ARB2A: variants seen among roughly 807,000 people sequenced by gnomAD.
The protein encoded by ARB2A is cotranscriptional regulator ARB2A.
the ARB2A span, among the ~76,000 whole-genome samples, chr5:93,998,758 A>C: frequency 2.0e-5 from 3 of 152,020 alleles, no homozygotes; most frequent in African/African-American, 7.2e-5. Context: ...TCTGATATAC[A>C]ATATGCTTGT....
chr5:93,758,216 C>T, the ARB2A span, among the ~76,000 whole-genome samples: 11 of 152,208 alleles, frequency 7.2e-5, no homozygotes, highest in Admixed American at 2.6e-4. Flanking sequence ...AACATACATG[C>T]ATCTAACACT....
chr5:93,908,671 A>T, the ARB2A span, among the ~76,000 whole-genome samples: 2 of 151,006 alleles, frequency 1.3e-5, no homozygotes, highest in Non-Finnish European at 3.0e-5. Context: ...ATGTAATGAT[A>T]AAGTTTTTTT....
chr5:94,062,814 C>T, the ARB2A span, among the ~76,000 whole-genome samples: 2 of 152,216 alleles, frequency 1.3e-5, no homozygotes, highest in South Asian at 2.1e-4. Context: ...CTGCCTACAG[C>T]GACTGCTGCA....
chr5:94,051,970 C>T, the ARB2A span, among the ~76,000 whole-genome samples: 681 of 152,208 alleles, frequency 4.5e-3, 5 homozygotes, highest in African/African-American at 0.015. Context: ...CAGGCGCATG[C>T]CACCACGCCT....
the ARB2A span, among the ~76,000 whole-genome samples, chr5:93,770,214 C>T: frequency 6.6e-6 from 1 of 152,136 alleles, no homozygotes; most frequent in Non-Finnish European, 1.5e-5. Flanking sequence ...ACCTGCTGTG[C>T]AACCACCTGA....
chr5:94,006,750 T>C, the ARB2A span, among the ~76,000 whole-genome samples: 1 of 152,196 alleles, frequency 6.6e-6, no homozygotes, highest in Non-Finnish European at 1.5e-5. Context: ...TAGAGGAGTA[T>C]ACATTTTTAA....
the ARB2A span, among the ~76,000 whole-genome samples, chr5:93,639,149 T>C: frequency 2.0e-5 from 3 of 152,196 alleles, no homozygotes; most frequent in Admixed American, 2.0e-4. Context: ...ATTTTCTTTT[T>C]TGATTGATTT....
the ARB2A span, among the ~76,000 whole-genome samples, chr5:93,955,548 C>A: frequency 6.6e-6 from 1 of 152,138 alleles, no homozygotes; most frequent in Non-Finnish European, 1.5e-5. Flanking sequence ...GTGAAGTAAT[C>A]AGAAATTATT....
At chr5:94,017,364 G>A in the ARB2A span, among the ~76,000 whole-genome samples, 1 of 152,158 alleles carries the variant, frequency 6.6e-6, no homozygotes, top group African/African-American at 2.4e-5. Flanking sequence ...AATGTGCTGT[G>A]TTTCCAAACA....
chr5:93,763,363 A>C, the ARB2A span, among the ~76,000 whole-genome samples: 122 of 152,314 alleles, frequency 8.0e-4, no homozygotes, highest in African/African-American at 2.4e-3. Context: ...TCTACCAAGC[A>C]AATGGAAAAC....
the ARB2A span, among the ~76,000 whole-genome samples, chr5:93,699,307 G>A: frequency 3.9e-5 from 6 of 152,170 alleles, no homozygotes; most frequent in African/African-American, 4.8e-5. Context: ...TTCTAGCTGC[G>A]TATAGGTAAG....
chr5:93,753,860 C>T, the ARB2A span, among the ~76,000 whole-genome samples: 4 of 152,100 alleles, frequency 2.6e-5, no homozygotes, highest in African/African-American at 9.7e-5. Flanking sequence ...AATCTAGGTT[C>T]AGGTCTTTCC....
chr5:93,793,823 A>G, the ARB2A span, among the ~76,000 whole-genome samples: 1 of 152,186 alleles, frequency 6.6e-6, no homozygotes, highest in Non-Finnish European at 1.5e-5. Flanking sequence ...AATTAAGGTG[A>G]CATGCAGGTC....
chr5:93,778,523 C>T, the ARB2A span, among the ~76,000 whole-genome samples: 2 of 152,164 alleles, frequency 1.3e-5, no homozygotes. Flanking sequence ...AGGGAGATAG[C>T]TTCAATGAAG....
the ARB2A span, among the ~76,000 whole-genome samples, chr5:93,840,854 A>C: frequency 6.6e-6 from 1 of 152,196 alleles, no homozygotes; most frequent in African/African-American, 2.4e-5. Context: ...TCTATGCTAT[A>C]CTAACTATCC....
the ARB2A span, among the ~76,000 whole-genome samples, chr5:94,010,446 C>T: frequency 6.6e-6 from 1 of 151,988 alleles, no homozygotes; most frequent in African/African-American, 2.4e-5. Flanking sequence ...GCTTGTATTA[C>T]GGCCCAGAAT....
chr5:93,868,681 A>G, the ARB2A span, among the ~76,000 whole-genome samples: 1 of 152,200 alleles, frequency 6.6e-6, no homozygotes, highest in South Asian at 2.1e-4. Context: ...ACCCAGATGG[A>G]CAGTTTGGGA....
At chr5:93,802,360 C>T in the ARB2A span, among the ~76,000 whole-genome samples, 18 of 151,830 alleles carry the variant, frequency 1.2e-4, no homozygotes, top group Admixed American at 1.2e-3. Context: ...AAAAAGAAAA[C>T]ATCCATACAA....
chr5:93,966,801 A>G, the ARB2A span, among the ~76,000 whole-genome samples: 6 of 152,224 alleles, frequency 3.9e-5, no homozygotes, highest in East Asian at 7.7e-4. Flanking sequence ...GCCTCTGGAC[A>G]TGACTGAATA....
Sources: gnomAD v4.1 joint callset for allele counts (sites outside exome capture counted in the v4.1 genomes callset) on GRCh38, gnomAD v4.1.1 for gene constraint, MANE v1.5 for transcripts, NCBI Gene and HGNC (gene_info 2026-07-23, HGNC 2026-07-21) for gene names.